ROBO2: variants seen among roughly 807,000 people sequenced by gnomAD.
ROBO2 encodes the protein roundabout homolog 2.
Under a neutral mutation model 160.8 loss-of-function variants are expected in ROBO2, and 53 were observed. The ratio of observed to expected loss-of-function variants is 0.33; its 90% CI spans 0.26 to 0.41. The LOEUF (loss-of-function observed/expected upper bound fraction) is 0.41. Ranked by LOEUF, ROBO2 falls within the 10% of genes least tolerant of loss-of-function variation. The probability of loss-of-function intolerance (pLI) is 1.00; values close to 1 mark genes in which losing one functional copy is unlikely to be tolerated. For synonymous variants in ROBO2, 664 were observed against 611.7 expected (o/e 1.09, Z -1.26); for missense variants, 1,577 against 1,722.4 (o/e 0.92, Z 1.49).
intron 2 of ROBO2, among the ~76,000 whole-genome samples, chr3:76,426,809 A>C (rs955983773): frequency 6.6e-6 from 1 of 152,152 alleles, no homozygotes; most frequent in African/African-American, 2.4e-5. Context: ...GAAATGTGAG[A>C]GTGATGAATT....
chr3:76,072,162 C>G (rs2068480098), intron 2 of ROBO2, among the ~76,000 whole-genome samples: 1 of 152,056 alleles, frequency 6.6e-6, no homozygotes, highest in Admixed American at 6.6e-5. Context: ...TGCTCTGTCA[C>G]ACTACAATCT....
intron 2 of ROBO2, among the ~76,000 whole-genome samples, chr3:76,574,452 C>T (rs1184582958): frequency 1.3e-5 from 2 of 152,102 alleles, no homozygotes; most frequent in Non-Finnish European, 2.9e-5. Context: ...TAGCAGGAGT[C>T]AGCTTCTATA....
At chr3:76,544,316 C>T (rs1266628009) in intron 2 of ROBO2, among the ~76,000 whole-genome samples, 1 of 151,768 alleles carries the variant, frequency 6.6e-6, no homozygotes, top group East Asian at 1.9e-4. Context: ...TTGATTTCAC[C>T]CCATGTTGAT....
chr3:76,450,241 A>G (rs975176847), intron 2 of ROBO2, among the ~76,000 whole-genome samples: 4 of 152,176 alleles, frequency 2.6e-5, no homozygotes, highest in Non-Finnish European at 4.4e-5. Context: ...GGTGTTTACA[A>G]TAAGGTCTAA....
intron 21 of ROBO2, among the ~76,000 whole-genome samples, chr3:77,616,842 T>G (rs2094790511): frequency 6.6e-6 from 1 of 152,184 alleles, no homozygotes; most frequent in Non-Finnish European, 1.5e-5. Flanking sequence ...TACTCAAAAT[T>G]TTTTAAAAGG....
At chr3:76,259,570 A>G (rs956433704) in intron 2 of ROBO2, among the ~76,000 whole-genome samples, 1 of 152,192 alleles carries the variant, frequency 6.6e-6, no homozygotes, top group Non-Finnish European at 1.5e-5. Flanking sequence ...CAGACTGCCT[A>G]GAAAGTTAGA....
intron 2 of ROBO2, among the ~76,000 whole-genome samples, chr3:76,623,792 A>G (rs2089411360): frequency 6.6e-6 from 1 of 152,200 alleles, no homozygotes; most frequent in Non-Finnish European, 1.5e-5. Context: ...TAATGTTGGC[A>G]TCATTATTCC....
At chr3:76,344,265 GT>G (rs2074394748) in intron 2 of ROBO2, among the ~76,000 whole-genome samples, 1 of 152,012 alleles carries the variant, frequency 6.6e-6, no homozygotes, top group Admixed American at 6.6e-5. Context: ...TACACTTCAG[GT>G]TTTTACAATG....
chr3:76,994,090 G>T (rs920516572), intron 2 of ROBO2, among the ~76,000 whole-genome samples: 8 of 98,974 alleles, frequency 8.1e-5, no homozygotes, highest in Admixed American at 2.0e-4. Flanking sequence ...TGCTTTTTTT[G>T]TTTTTTTTTT....
At chr3:76,500,699 G>A (rs963846363) in intron 2 of ROBO2, among the ~76,000 whole-genome samples, 2 of 152,156 alleles carry the variant, frequency 1.3e-5, no homozygotes, top group Non-Finnish European at 2.9e-5. Flanking sequence ...AAATCTATGA[G>A]ATAAAAGTTA....
chr3:76,363,587 G>C (rs1445692316), intron 2 of ROBO2, among the ~76,000 whole-genome samples: 1 of 152,000 alleles, frequency 6.6e-6, no homozygotes, highest in African/African-American at 2.4e-5. Flanking sequence ...AGGTAACTGA[G>C]ATAATGTTCT....
chr3:76,529,389 G>A (rs141677119), intron 2 of ROBO2, among the ~76,000 whole-genome samples: 101 of 152,194 alleles, frequency 6.6e-4, no homozygotes, highest in Middle Eastern at 3.4e-3. Flanking sequence ...GTGGTTAAGT[G>A]AGAGGCAATG....
rs181477828 is a variant in ROBO2 at position 76,316,918 on chromosome 3, A to G, written c.109+379316A>G. 1.4e-3 allele frequency among the ~76,000 whole-genome samples: 212 copies of G among 152,310 alleles called. No individual in the cohort carries two copies. In the Middle Eastern group the frequency reaches 0.017, roughly 12 times the overall value. The stretch of plus-strand genomic sequence containing the variant: ...AAGACTTTCTGGTTTGAGGAAACAA[A>G]TGTAGATCACTTTATGTTGTTCTTG... On this transcript the variant is annotated intron_variant, in intron 2 of 26. Coordinates refer to the ROBO2 transcript ENST00000487694.
At chr3:77,007,800 G>A (rs1489549580) in intron 2 of ROBO2, among the ~76,000 whole-genome samples, 1 of 151,858 alleles carries the variant, frequency 6.6e-6, no homozygotes, top group Non-Finnish European at 1.5e-5. Flanking sequence ...TTCCTACAAG[G>A]GAAATCCTTG....
chr3:77,247,669 G>A (rs2089883808), intron 2 of ROBO2, among the ~76,000 whole-genome samples: 1 of 152,186 alleles, frequency 6.6e-6, no homozygotes. Context: ...AAAGGCACTA[G>A]ATTGACAATT....
chr3:77,049,948 C>A (rs1430047004), intron 1 of ROBO2, among the ~76,000 whole-genome samples: 1 of 152,066 alleles, frequency 6.6e-6, no homozygotes, highest in African/African-American at 2.4e-5. Context: ...TTCCAAAAAA[C>A]TTGAGTTAAG....
chr3:76,480,166 A>G (rs1407255566), intron 2 of ROBO2, among the ~76,000 whole-genome samples: 1 of 152,132 alleles, frequency 6.6e-6, no homozygotes, highest in East Asian at 1.9e-4. Flanking sequence ...TATACTTGCC[A>G]ATTCTTTTTG....
At chr3:76,973,108 G>C (rs1221820760) in intron 2 of ROBO2, among the ~76,000 whole-genome samples, 3 of 152,188 alleles carry the variant, frequency 2.0e-5, no homozygotes, top group African/African-American at 7.2e-5. Context: ...TACGTAAACA[G>C]AGGCCCCAGA....
intron 2 of ROBO2, among the ~76,000 whole-genome samples, chr3:77,439,508 T>G (rs1250463868): frequency 6.6e-6 from 1 of 152,166 alleles, no homozygotes; most frequent in Non-Finnish European, 1.5e-5. Context: ...ACTGCATTTT[T>G]CTCTTCTCTT....
Sources: allele counts gnomAD v4.1 joint callset (sites outside exome capture counted in the v4.1 genomes callset), GRCh38; gene constraint gnomAD v4.1.1; transcripts MANE v1.5; gene names NCBI Gene and HGNC (gene_info 2026-07-23, HGNC 2026-07-21).